Variants in PLCH1 observed in about 807,000 individuals in gnomAD.
PLCH1 encodes 1-phosphatidylinositol 4,5-bisphosphate phosphodiesterase eta-1.
Under a neutral mutation model 126.7 loss-of-function variants are expected in PLCH1, and 60 were observed. The observed-to-expected ratio is 0.47, with a 90% CI of 0.38 to 0.59. PLCH1 has a LOEUF of 0.59. Ranked by LOEUF, PLCH1 falls within the 20% of genes least tolerant of loss-of-function variation. The pLI is 0.00. For synonymous variants in PLCH1, 719 were observed against 734.9 expected, an observed-to-expected ratio of 0.98 and a Z score of 0.35; for missense variants, 1,723 against 2,040.0, an observed-to-expected ratio of 0.84 and a Z score of 2.99.
chr3:155,469,981 C>G (rs1713120669), intron 21 of PLCH1, among the ~76,000 whole-genome samples: 1 of 152,154 alleles, frequency 6.6e-6, no homozygotes, highest in Non-Finnish European at 1.5e-5. Flanking sequence ...AGGGAAAAAA[C>G]AGAACAGAAA....
At chr3:155,668,295 C>T (rs1743020500) in intron 2 of PLCH1, among the ~76,000 whole-genome samples, 2 of 152,092 alleles carry the variant, frequency 1.3e-5, no homozygotes, top group South Asian at 2.1e-4. Flanking sequence ...AACACTTACC[C>T]GAGCTTAGAA....
intron 10 of PLCH1, 61 bp downstream of exon 10, chr3:155,549,726 T>C: frequency 8.5e-7 from 1 of 1,176,814 alleles, no homozygotes; most frequent in Non-Finnish European, 1.2e-6. Context: ...TTTTATTCTT[T>C]AAGGGAGGGC....
rs1716670679 is a variant in PLCH1 at position 155,494,229 on chromosome 3, A to G, written c.2094T>C (p.Ser698=). Residue 698 remains serine, a synonymous_variant, in exon 17 of 23, where the codon TCT becomes TCC. Coordinates refer to ENST00000460012, the MANE Select transcript of PLCH1 (RefSeq NM_014996.4). ...GGTTTAACTGCATCATTCGTCCTTCAGATTGATAATTCAGTGCCACTGTGC... is the reference window on the plus strand; with the variant it reads ...GGTTTAACTGCATCATTCGTCCTTCGGATTGATAATTCAGTGCCACTGTGC... ...GCQLVALNYQ[S]EGRMMQLNRA... is the part of the protein sequence containing the mutation. The G allele has an allele frequency of 6.2e-7, 1 of 1,614,082 alleles. No homozygotes were observed.
intron 2 of PLCH1, among the ~76,000 whole-genome samples, chr3:155,671,793 A>T (rs4083041): frequency 0.18 from 26,653 of 152,072 alleles, 2,706 homozygotes; most frequent in East Asian, 0.43. Context: ...TTAATATCAA[A>T]AGTTGAGAAA....
chr3:155,486,514 T>TC (rs2108042093), intron 21 of PLCH1, among the ~76,000 whole-genome samples: 1 of 55,334 alleles, frequency 1.8e-5, no homozygotes, highest in East Asian at 6.1e-4. Context: ...CTCAAGTTTG[T>TC]TTTTTTTTTT....
intron 1 of PLCH1, among the ~76,000 whole-genome samples, chr3:155,716,404 A>G (rs73005124): frequency 5.1e-4 from 77 of 152,352 alleles, no homozygotes; most frequent in African/African-American, 1.8e-3. Context: ...TTGCATTGGC[A>G]TAAATACCTG....
At chr3:155,687,822 T>C (rs894592660) in intron 2 of PLCH1, among the ~76,000 whole-genome samples, 1 of 152,198 alleles carries the variant, frequency 6.6e-6, no homozygotes, top group Non-Finnish European at 1.5e-5. Context: ...ACAGGGCAAC[T>C]GCTTTAAAGG....
intron 4 of PLCH1, among the ~76,000 whole-genome samples, chr3:155,588,190 T>G (rs1250116448): frequency 6.6e-6 from 1 of 152,216 alleles, no homozygotes. Flanking sequence ...GTAAATACCT[T>G]ATTTCATATT....
At chr3:155,731,428 C>T (rs1246000863) in intron 1 of PLCH1, among the ~76,000 whole-genome samples, 6 of 152,156 alleles carry the variant, frequency 3.9e-5, no homozygotes, top group Non-Finnish European at 8.8e-5. Context: ...AACAGGTCCA[C>T]GCCAGTGGAT....
chr3:155,481,933 T>C lies in PLCH1; in HGVS notation c.4093A>G (p.Thr1365Ala). ...GTGCCCTCTCTCCTATATTCACAGG[T>C]TGTTAGAGAAAGATTTTCTGATTCT... ...DGESENLSLT[T>A]CEYRREGTSQ... Residue 1365 changes from threonine to alanine, a missense_variant, in exon 23 of 23, where the codon ACC becomes GCC. Thr to Ala is a moderately conservative substitution (Grantham distance 58, BLOSUM62 0). Around this residue, in one of 2 missense-constraint regions of PLCH1, gnomAD observed 947 missense variants for 977.1 expected, o/e 0.97. Transcript: ENST00000460012. This position sits in a 1 kb window ranked among gnomAD's most constrained non-coding sequence, Gnocchi z 4.2. 6.2e-7 allele frequency: 1 copy of C among 1,614,114 alleles called. No homozygotes were observed. The highest frequency in any genetic ancestry group is 8.5e-7 in the Non-Finnish European group (1 of 1,180,022).
chr3:155,655,217 A>G (rs967587813), intron 2 of PLCH1, among the ~76,000 whole-genome samples: 5 of 152,098 alleles, frequency 3.3e-5, no homozygotes, highest in African/African-American at 1.2e-4. Flanking sequence ...AGGAGGATCA[A>G]TTGAGCCTGG....
At chr3:155,597,783 C>T (rs577268493) in intron 2 of PLCH1, among the ~76,000 whole-genome samples, 2 of 152,260 alleles carry the variant, frequency 1.3e-5, no homozygotes, top group Non-Finnish European at 2.9e-5. Flanking sequence ...CAAGGAGGAA[C>T]TGCAAAAAAT....
chr3:155,522,690 T>C (rs1721260082), intron 11 of PLCH1, among the ~76,000 whole-genome samples: 1 of 142,050 alleles, frequency 7.0e-6, no homozygotes, highest in Admixed American at 7.5e-5. Context: ...ATTACAAGAA[T>C]TTATACAAAA....
chr3:155,485,379 A>G lies in PLCH1; in HGVS notation c.2951T>C (p.Ile984Thr), dbSNP rs141197506. ...ACCTAGAGAGTTTTCTTTTCCTTCA[A>G]TGTCTTTTGCTGTTTCAGATACAGG... ...SLPVSETAKD[I>T]EGKENSLAED... Residue 984 changes from isoleucine (I) to threonine (T), a missense_variant, in exon 22 of 23, where the codon ATT becomes ACT. Ile to Thr is a moderately conservative substitution (Grantham distance 89). This residue lies in a region of PLCH1 where 947 missense variants were observed against 977.1 expected (regional missense o/e 0.97). Transcript: ENST00000460012. 2.9e-4 allele frequency: 468 copies of G among 1,602,722 alleles called. 1 individual carries two copies. The African/African-American group carries it at 5.6e-3, about 19-fold the overall frequency.
intron 21 of PLCH1, among the ~76,000 whole-genome samples, chr3:155,486,724 C>A (rs1330221223): frequency 6.6e-6 from 1 of 151,572 alleles, no homozygotes; most frequent in East Asian, 1.9e-4. Context: ...CGGGGTTTCA[C>A]CTTGTTAGCC....
At chr3:155,613,798 G>A (rs1013668038) in intron 2 of PLCH1, among the ~76,000 whole-genome samples, 8 of 133,826 alleles carry the variant, frequency 6.0e-5, no homozygotes. Context: ...TGAAGTCCTA[G>A]TCAGAGCAAT....
At chr3:155,471,828 C>T (rs1038891490) in intron 21 of PLCH1, among the ~76,000 whole-genome samples, 6 of 152,186 alleles carry the variant, frequency 3.9e-5, no homozygotes, top group African/African-American at 1.2e-4. Flanking sequence ...TGAATAACTA[C>T]TGGATACATA....
intron 10 of PLCH1, among the ~76,000 whole-genome samples, chr3:155,548,884 A>G (rs1315957905): frequency 6.6e-6 from 1 of 152,202 alleles, no homozygotes; most frequent in East Asian, 1.9e-4. Flanking sequence ...CATCTTTTCC[A>G]TGTGCTGCTC....
At chr3:155,622,056 C>G (rs997920721) in intron 2 of PLCH1, among the ~76,000 whole-genome samples, 1 of 152,208 alleles carries the variant, frequency 6.6e-6, no homozygotes, top group South Asian at 2.1e-4. Context: ...AGACTGACAG[C>G]AGATCTCTCT....
Sources: allele counts gnomAD v4.1 joint callset (sites outside exome capture counted in the v4.1 genomes callset), GRCh38; gene constraint gnomAD v4.1.1; regional missense constraint gnomAD v4.1.1; non-coding constraint Gnocchi (gnomAD v3.1); transcripts MANE v1.5; gene names NCBI Gene and HGNC (gene_info 2026-07-23, HGNC 2026-07-21).